Variants in C8orf34 observed in about 807,000 individuals in gnomAD.
The protein encoded by C8orf34 is chromosome 8 open reading frame 34.
A neutral mutation model predicts 68.3 loss-of-function variants in C8orf34; 65 were observed. That is an observed-to-expected ratio of 0.95 (90% CI 0.78 to 1.17). The LOEUF is 1.17. Ranked by LOEUF, C8orf34 falls within the 50% of genes most tolerant of loss-of-function variation. The pLI is 0.00. For missense variants in C8orf34, 664 were observed against 655.4 expected, an observed-to-expected ratio of 1.01 and a Z score of -0.14; for synonymous variants, 244 against 241.2, an observed-to-expected ratio of 1.01 and a Z score of -0.11.
intron 5 of C8orf34, among the ~76,000 whole-genome samples, chr8:68,515,115 G>C (rs1316242642): frequency 1.3e-5 from 2 of 152,066 alleles, no homozygotes; most frequent in Non-Finnish European, 2.9e-5. Flanking sequence ...TGCTATATAT[G>C]TACATTTAAA....
intron 1 of C8orf34, among the ~76,000 whole-genome samples, chr8:68,348,728 A>G (rs1452128508): frequency 6.6e-6 from 1 of 151,604 alleles, no homozygotes; most frequent in African/African-American, 2.4e-5. Flanking sequence ...TTTTGTGGCA[A>G]TTGTGAATGG....
At chr8:68,361,901 T>TAGGCAAAGAACTCAAAGA (rs1321877428) in intron 1 of C8orf34, among the ~76,000 whole-genome samples, 1 of 152,166 alleles carries the variant, frequency 6.6e-6, no homozygotes, top group Non-Finnish European at 1.5e-5. Flanking sequence ...AAAAGAAAAA[T>TAGGCAAAGAACTCAAAGA]AGGCAAAGAA....
chr8:68,536,460 G>A (rs1021704080), intron 7 of C8orf34, among the ~76,000 whole-genome samples: 4 of 149,908 alleles, frequency 2.7e-5, no homozygotes, highest in Admixed American at 6.7e-5. Context: ...GAGGAACTTC[G>A]TTAGTTTAAA....
At chr8:68,716,839 A>G (rs1167351616) in intron 9 of C8orf34, among the ~76,000 whole-genome samples, 1 of 151,992 alleles carries the variant, frequency 6.6e-6, no homozygotes, top group African/African-American at 2.4e-5. Flanking sequence ...TAGTATGTTC[A>G]TGGATAGGGA....
chr8:68,532,987 A>G lies in C8orf34; in HGVS notation c.943A>G (p.Lys315Glu). The change falls in exon 7 of 14, where the codon AAG becomes GAG. Residue 315 changes from lysine to glutamate, a missense_variant. Lys to Glu is a moderately conservative substitution (Grantham distance 56, BLOSUM62 1). Transcript: ENST00000518698. ...DSGSSPAGSL[K>E]MEPKNKGLKQ... ...AACATTTAAATATTTCTTCAGCTTA[A>G]AGATGGAGCCTAAGAACAAAGGATT... 1 of 1,577,082 alleles carries G rather than the reference A, an allele frequency of 6.3e-7. No homozygotes were observed. Among genetic ancestry groups the G allele is most frequent in the Non-Finnish European group, 8.6e-7 (1 of 1,161,322 alleles).
chr8:68,616,150 T>A (rs1326269774), intron 7 of C8orf34, among the ~76,000 whole-genome samples: 1 of 151,534 alleles, frequency 6.6e-6, no homozygotes, highest in African/African-American at 2.4e-5. Flanking sequence ...CCTTTATTGT[T>A]TTTTATTGCG....
chr8:68,407,417 T>C (rs968943294), intron 1 of C8orf34, among the ~76,000 whole-genome samples: 1 of 152,166 alleles, frequency 6.6e-6, no homozygotes, highest in African/African-American at 2.4e-5. Context: ...GGTCCTGCTG[T>C]TTGTTTTTTT....
At chr8:68,482,401 A>T (rs1451035671) in intron 4 of C8orf34, among the ~76,000 whole-genome samples, 1 of 152,194 alleles carries the variant, frequency 6.6e-6, no homozygotes, top group Non-Finnish European at 1.5e-5. Context: ...TTTGCTCTAA[A>T]AGCAATTAGC....
Position 68,647,464 on chromosome 8 carries a change from A to T in C8orf34, c.1241+6953A>T, listed in dbSNP as rs184695407. ...CTGGGTATATATTTAAAGGAATTGA[A>T]ATCATTATGCCAAAGAAATATCTGC... On this transcript the variant is annotated intron_variant, in intron 8 of 13. Transcript: ENST00000518698. Among the ~76,000 whole-genome samples the T allele has an allele frequency of 7.2e-5, 11 of 152,334 alleles. No homozygotes were observed. The East Asian group carries it at 1.7e-3, about 24-fold the overall frequency.
chr8:68,415,858 G>A (rs958214602), intron 1 of C8orf34, among the ~76,000 whole-genome samples: 103 of 152,100 alleles, frequency 6.8e-4, no homozygotes, highest in Non-Finnish European at 1.3e-3. Flanking sequence ...ATATACGTAG[G>A]GAGTCCTGGA....
intron 1 of C8orf34, among the ~76,000 whole-genome samples, chr8:68,355,229 C>A (rs149737831): frequency 6.6e-6 from 1 of 152,032 alleles, no homozygotes; most frequent in East Asian, 1.9e-4. Flanking sequence ...AATGTATAAC[C>A]CCCCTGCCCC....
At chr8:68,377,423 G>A (rs1290733034) in intron 1 of C8orf34, among the ~76,000 whole-genome samples, 2 of 142,784 alleles carry the variant, frequency 1.4e-5, no homozygotes, top group Non-Finnish European at 3.1e-5. Flanking sequence ...GAAGGAGAAG[G>A]AAGAAAAAAG....
At chr8:68,704,435 T>C (rs527975714) in intron 8 of C8orf34, among the ~76,000 whole-genome samples, 1 of 152,208 alleles carries the variant, frequency 6.6e-6, no homozygotes, top group East Asian at 1.9e-4. Context: ...TTATGGAGTA[T>C]AAAATCCATG....
chr8:68,587,794 A>G (rs1440986914), intron 7 of C8orf34, among the ~76,000 whole-genome samples: 2 of 152,122 alleles, frequency 1.3e-5, no homozygotes, highest in Non-Finnish European at 2.9e-5. Context: ...TACATGGACA[A>G]AGAACTATCA....
intron 7 of C8orf34, among the ~76,000 whole-genome samples, chr8:68,579,387 A>G (rs1278905321): frequency 6.6e-6 from 1 of 152,126 alleles, no homozygotes; most frequent in Non-Finnish European, 1.5e-5. Flanking sequence ...TCTTATTGTG[A>G]TATAAAGAAA....
At position 68,594,629 on chromosome 8, in the gene C8orf34, T is replaced by C. The variant is rs78101936; in HGVS notation, c.1106-45747T>C. ...CAACTGTTCTAGAATTCATTGTTTA[T>C]ATCTTCATGGTTCATCAGTTTTATA... On this transcript the variant is annotated intron_variant, in intron 7 of 13. Transcript: ENST00000518698. 6.0e-3 allele frequency among the ~76,000 whole-genome samples: 920 copies of C among 152,246 alleles called. 9 individuals carry two copies. The highest frequency in any genetic ancestry group is 7.3e-3 in the Non-Finnish European group (494 of 68,000).
Position 68,787,449 on chromosome 8 carries a change from T to G in C8orf34, c.1462T>G (p.Ser488Ala). The change falls in exon 12 of 14, where the codon TCC becomes GCC. Residue 488 changes from serine (S) to alanine (A), a missense_variant. Physicochemically the swap from Ser to Ala is moderately conservative, Grantham distance 99. Transcript: ENST00000518698. Reference sequence around the variant, plus strand: ...TAAATGTGTTCTTTTGCAGGATGAATCCTTAAAGCAATTGCAGGTAGTTCA... The same window carrying G: ...TAAATGTGTTCTTTTGCAGGATGAAGCCTTAAAGCAATTGCAGGTAGTTCA... Reference protein sequence around the residue: ...SLKNYMEEDESLKQLQVVHQP... With the variant: ...SLKNYMEEDEALKQLQVVHQP... The G allele has an allele frequency of 1.2e-6, 2 of 1,609,862 alleles. No homozygotes were observed. Among genetic ancestry groups the G allele is most frequent in the Non-Finnish European group, 1.7e-6 (2 of 1,177,326 alleles).
chr8:68,794,392 A>G (rs1326278528), intron 12 of C8orf34, among the ~76,000 whole-genome samples: 1 of 50,576 alleles, frequency 2.0e-5, no homozygotes, highest in Admixed American at 2.5e-4. Context: ...GCTGGTCTCG[A>G]ACTCCTGGGC....
At chr8:68,344,777 TAAAG>T (rs1376125734) in intron 1 of C8orf34, among the ~76,000 whole-genome samples, 1 of 152,046 alleles carries the variant, frequency 6.6e-6, no homozygotes, top group African/African-American at 2.4e-5. Flanking sequence ...TGGATAAAGA[TAAAG>T]AAGTGAAAAA....
Sources: gnomAD v4.1 joint callset for allele counts (sites outside exome capture counted in the v4.1 genomes callset) on GRCh38, gnomAD v4.1.1 for gene constraint, MANE v1.5 for transcripts, NCBI Gene and HGNC (gene_info 2026-07-23, HGNC 2026-07-21) for gene names.